Variants in DACT3 observed in about 807,000 individuals in gnomAD.
DACT3 encodes the protein dapper homolog 3.
A neutral mutation model predicts 19.6 loss-of-function variants in DACT3; 5 were observed. That is an observed-to-expected ratio of 0.26 (90% CI 0.13 to 0.54). The LOEUF (loss-of-function observed/expected upper bound fraction) is 0.54, where lower values mean the gene tolerates loss of function less well. DACT3 is among the 20% of genes least tolerant of loss of function. DACT3 has a pLI of 0.95. For missense variants in DACT3, 908 were observed against 927.4 expected (o/e 0.98, Z 0.27); for synonymous variants, 454 against 428.1 (o/e 1.06, Z -0.75).
intron 1 of DACT3, chr19:46,654,433 C>A: frequency 1.4e-6 from 1 of 736,572 alleles, no homozygotes; most frequent in Non-Finnish European, 1.7e-6. Context: ...TTGCAGTGAG[C>A]CGAGATCACA....
rs1372700872 is a variant in DACT3 at position 46,649,715 on chromosome 19, G to A, written c.657C>T (p.Ser219=). Residue 219 remains serine, a synonymous_variant, in exon 4 of 4, where the codon AGC becomes AGT. Transcript: ENST00000391916. ...TGCGCATCGCCACGGCGTGCAGGGG[G>A]CTGGGCGTCAGAAAGGGCCCGGCGC... is the stretch of plus-strand genomic sequence containing the variant. The part of the protein sequence containing the change: ...RARAGPFLTP[S]PLHAVAMRSP... 3 of 1,232,648 alleles carry A rather than the reference G, an allele frequency of 2.4e-6. 1 individual carries two copies. Among genetic ancestry groups the A allele is most frequent in the South Asian group, 6.3e-5 (2 of 31,830 alleles). The allele number at this position is 1,232,648 out of a possible 1,614,324, so 76.4% of individuals were successfully genotyped here.
intron 1 of DACT3, among the ~76,000 whole-genome samples, chr19:46,655,919 CTCTCTCTATATA>C (rs2053029483): frequency 9.2e-6 from 1 of 108,452 alleles, no homozygotes; most frequent in African/African-American, 2.8e-5. Context: ...CTCTCTCTCT[CTCTCTCTATATA>C]TATATATATA....
At chr19:46,655,923 CTCTA>C (rs748421707) in intron 1 of DACT3, among the ~76,000 whole-genome samples, 122 of 109,640 alleles carry the variant, frequency 1.1e-3, no homozygotes, top group East Asian at 2.2e-3. Context: ...CTCTCTCTCT[CTCTA>C]TATATATATA....
chr19:46,654,795 G>C, intron 1 of DACT3: 1 of 985,634 alleles, frequency 1.0e-6, no homozygotes, highest in South Asian at 4.7e-5. Flanking sequence ...AGGGCAGAAA[G>C]ACTGGCCGGC....
At position 46,660,915 on chromosome 19, in the gene DACT3, G is replaced by A; in HGVS notation, c.150C>T (p.Pro50=). The change falls in exon 1 of 4, where the codon CCC becomes CCT. Residue 50 remains proline, a synonymous_variant. Transcript: ENST00000391916. The surrounding 1 kb of genome is among the most constrained non-coding windows in gnomAD (Gnocchi z 4.9). ...CCTCGGCCTCGGCGCCCCCCATTCC[G>A]GGCTGGGCCAGCCGCAGCGCCTGCT... ...RVQQALRLAQ[P]GMGGAEAEDE... 7 of 1,537,540 alleles carry A rather than the reference G, an allele frequency of 4.6e-6. No individual in the cohort carries two copies. The highest frequency in any genetic ancestry group is 6.1e-6 in the Non-Finnish European group (7 of 1,145,458).
chr19:46,649,179 C>G lies in DACT3; in HGVS notation c.1193G>C (p.Arg398Pro). The G allele has an allele frequency of 8.2e-7, 1 of 1,213,600 alleles. No individual in the cohort carries two copies. Among genetic ancestry groups the G allele is most frequent in the Non-Finnish European group, 1.0e-6 (1 of 976,636 alleles). The allele number at this position is 1,213,600 out of a possible 1,614,324, so 75.2% of individuals were successfully genotyped here. Residue 398 changes from arginine (R) to proline (P), a missense_variant, in exon 4 of 4, where the codon CGG becomes CCG. Physicochemically the swap from Arg to Pro is moderately radical, Grantham distance 103. Coordinates refer to ENST00000391916, the MANE Select transcript of DACT3 (RefSeq NM_145056.3). ...VEQSPPRERP[R>P]AAGRRGRMAE... is the part of the protein sequence containing the mutation. The stretch of plus-strand genomic sequence containing the variant: ...CATGCGTCCACGGCGGCCGGCGGCC[C>G]GGGGACGCTCCCGGGGTGGTGACTG...
intron 1 of DACT3, chr19:46,659,145 G>T (rs1160430925): frequency 3.0e-6 from 3 of 984,986 alleles, no homozygotes; most frequent in Non-Finnish European, 3.6e-6. Context: ...CAGCACTAGA[G>T]AAGTTTATAT....
chr19:46,648,842 C>A lies in DACT3; in HGVS notation c.1530G>T (p.Gln510His), dbSNP rs1347460820. The part of the protein sequence containing the change: ...PGPGPSPSAP[Q>H]RRLLYGCAGS... ...CCGCGCAGCCGTAAAGCAGACGACG[C>A]TGGGGAGCTGACGGGGACGGGCCGG... The change falls in exon 4 of 4, where the codon CAG becomes CAT. Residue 510 changes from glutamine to histidine, a missense_variant. Around this residue, in one of 2 missense-constraint regions of DACT3, gnomAD observed 656 missense variants for 601.8 expected, o/e 1.09. Transcript: ENST00000391916. The surrounding 1 kb of genome is among the most constrained non-coding windows in gnomAD (Gnocchi z 5.1). 3.4e-6 allele frequency: 5 copies of A among 1,480,402 alleles called. No homozygotes were observed. The highest frequency in any genetic ancestry group is 1.4e-5 in the African/African-American group (1 of 69,086). The allele number at this position is 1,480,402 out of a possible 1,614,324, so 91.7% of individuals were successfully genotyped here. A position where few individuals can be genotyped will look rare whatever the true frequency, so the allele number is the denominator to read the frequency against.
chr19:46,648,292 C>A lies in DACT3; in HGVS notation c.*190G>T. 1.1e-6 allele frequency: 1 copy of A among 948,232 alleles called. No homozygotes were observed. Among genetic ancestry groups the A allele is most frequent in the Non-Finnish European group, 1.6e-6 (1 of 641,578 alleles). 58.7% of individuals were successfully genotyped at this position (948,232 alleles called of 1,614,324 possible). On this transcript the variant is annotated 3_prime_UTR_variant, in exon 4 of 4. Coordinates refer to ENST00000391916, the MANE Select transcript of DACT3 (RefSeq NM_145056.3). This position sits in a 1 kb window ranked among gnomAD's most constrained non-coding sequence, Gnocchi z 5.1. ...AGAAGCTGAACTGGGTCAAACAGGGCTCCTCCCCATTCCTCTCGGTGGTGG... is the reference window on the plus strand; with the variant it reads ...AGAAGCTGAACTGGGTCAAACAGGGATCCTCCCCATTCCTCTCGGTGGTGG...
intron 3 of DACT3, 33 bp from the exon 4 acceptor site, chr19:46,649,905 G>C (rs939480110): frequency 1.6e-6 from 2 of 1,275,854 alleles, no homozygotes; most frequent in East Asian, 3.3e-5. Context: ...AAAAAAAAAA[G>C]AGAGAGTGGA....
Position 46,648,346 on chromosome 19 carries a change from A to C in DACT3, c.*136T>G. 3.1e-6 allele frequency: 4 copies of C among 1,298,410 alleles called. No homozygotes were observed. The highest frequency in any genetic ancestry group is 4.2e-6 in the Non-Finnish European group (4 of 941,718). The allele number at this position is 1,298,410 out of a possible 1,614,324, so 80.4% of individuals were successfully genotyped here. On this transcript the variant is annotated 3_prime_UTR_variant, in exon 4 of 4. Coordinates refer to ENST00000391916, the MANE Select transcript of DACT3 (RefSeq NM_145056.3). The surrounding 1 kb of genome is among the most constrained non-coding windows in gnomAD (Gnocchi z 5.1). ...GGGAGCCTTTTCAACCAAGACTGTT[A>C]GGAGTGGGGAGAGTGAGGGGGGTCT...
Position 46,649,315 on chromosome 19 carries a change from G to C in DACT3, c.1057C>G (p.Arg353Gly). The C allele has an allele frequency of 8.1e-7, 1 of 1,234,724 alleles. No individual in the cohort carries two copies. Among genetic ancestry groups the C allele is most frequent in the South Asian group, 2.5e-5 (1 of 40,328 alleles). The allele number at this position is 1,234,724 out of a possible 1,614,324, so 76.5% of individuals were successfully genotyped here. A position where few individuals can be genotyped will look rare whatever the true frequency, so the allele number is the denominator to read the frequency against. ...GGGATGTACTGCGCCTTCACCAAGC[G>C]GCCCTCAGCCGGGCTGTCGGGGGGT... The part of the protein sequence containing the change: ...PSPPDSPAEG[R>G]LVKAQYIPGA... The change falls in exon 4 of 4, where the codon CGC (arginine) becomes GGC (glycine). Residue 353 changes from arginine (R) to glycine (G), a missense_variant. Transcript: ENST00000391916.
intron 3 of DACT3, chr19:46,651,805 T>G (rs2052988975): frequency 6.6e-6 from 1 of 151,952 alleles, no homozygotes; most frequent in Admixed American, 6.6e-5. Flanking sequence ...GTTCAAGCAA[T>G]CCTCCTGGCT....
chr19:46,651,049 T>C (rs1340295161), intron 3 of DACT3: 1 of 146,578 alleles, frequency 6.8e-6, no homozygotes, highest in Non-Finnish European at 1.5e-5. Flanking sequence ...TTATTTATCC[T>C]GGTTTATTTA....
At chr19:46,654,513 A>C (rs2053017805) in intron 1 of DACT3, 29 of 980,312 alleles carry the variant, frequency 3.0e-5, no homozygotes, top group Non-Finnish European at 3.4e-5. Context: ...AAGAAAAAGA[A>C]ATTTCCATGA....
chr19:46,649,882 G>C lies in DACT3; in HGVS notation c.500-10C>G. 1 of 1,303,682 alleles carries C rather than the reference G, an allele frequency of 7.7e-7. No homozygotes were observed. Among genetic ancestry groups the C allele is most frequent in the Non-Finnish European group, 9.6e-7 (1 of 1,044,548 alleles). 80.8% of individuals were successfully genotyped at this position (1,303,682 alleles called of 1,614,324 possible). ...CTGGGACTGGCGTCTCCTAGGGAAG[G>C]AAGGCCAAAAAAAAAAAAAAAAGAG... On this transcript the variant is annotated splice_polypyrimidine_tract_variant and intron_variant, in intron 3 of 3. Transcript: ENST00000391916.
intron 1 of DACT3, chr19:46,654,531 C>G (rs965518058): frequency 3.1e-6 from 3 of 982,818 alleles, no homozygotes; most frequent in Non-Finnish European, 1.2e-6. Flanking sequence ...TGAGTCTACC[C>G]TGGATCCTTC....
chr19:46,648,158 G>C lies in DACT3; in HGVS notation c.*324C>G. On this transcript the variant is annotated 3_prime_UTR_variant, in exon 4 of 4. Coordinates refer to ENST00000391916, the MANE Select transcript of DACT3 (RefSeq NM_145056.3). This position sits in a 1 kb window ranked among gnomAD's most constrained non-coding sequence, Gnocchi z 5.1. ...CAGACTAGGCTTCTAAACTAAAACG[G>C]GGAAATTCAAACCGAATTACCCCTT... 3.3e-6 allele frequency: 1 copy of C among 300,652 alleles called. No homozygotes were observed. Among genetic ancestry groups the C allele is most frequent in the Non-Finnish European group, 6.2e-6 (1 of 161,010 alleles). The allele number at this position is 300,652 out of a possible 1,614,324, so 18.6% of individuals were successfully genotyped here.
Position 46,648,352 on chromosome 19 carries a change from G to T in DACT3, c.*130C>A. 1 of 1,484,118 alleles carries T rather than the reference G, an allele frequency of 6.7e-7. No individual in the cohort carries two copies. The allele number at this position is 1,484,118 out of a possible 1,614,324, so 91.9% of individuals were successfully genotyped here. A position where few individuals can be genotyped will look rare whatever the true frequency, so the allele number is the denominator to read the frequency against. On this transcript the variant is annotated 3_prime_UTR_variant, in exon 4 of 4. Transcript: ENST00000391916. This position sits in a 1 kb window ranked among gnomAD's most constrained non-coding sequence, Gnocchi z 5.1. ...CTTTTCAACCAAGACTGTTAGGAGT[G>T]GGGAGAGTGAGGGGGGTCTTTGGAA... is the stretch of plus-strand genomic sequence containing the variant.
Sources: allele counts gnomAD v4.1 joint callset (sites outside exome capture counted in the v4.1 genomes callset), GRCh38; gene constraint gnomAD v4.1.1; regional missense constraint gnomAD v4.1.1; non-coding constraint Gnocchi (gnomAD v3.1); transcripts MANE v1.5; gene names NCBI Gene and HGNC (gene_info 2026-07-23, HGNC 2026-07-21).